The following MALRD1 variants were observed in gnomAD, a reference collection of about 807,000 sequenced individuals.
The protein encoded by MALRD1 is MAM and LDL-receptor class A domain-containing protein 1.
MALRD1 carries 247 observed loss-of-function variants against 242.1 expected under a neutral mutation model. The ratio of observed to expected loss-of-function variants is 1.02; its 90% confidence interval spans 0.92 to 1.13. The LOEUF is 1.13. Ranked by LOEUF, MALRD1 falls within the 50% of genes most tolerant of loss-of-function variation. MALRD1 has a pLI of 0.00. For missense variants in MALRD1, 2,989 were observed against 2,533.1 expected (o/e 1.18, Z -3.86); for synonymous variants, 995 against 866.6 (o/e 1.15, Z -2.60).
chr10:19,311,322 C>T (rs1290775869), intron 21 of MALRD1, among the ~76,000 whole-genome samples: 1 of 151,292 alleles, frequency 6.6e-6, no homozygotes, highest in Non-Finnish European at 1.5e-5. Flanking sequence ...AGAAAAATGT[C>T]TTGAGCTAGA....
intron 24 of MALRD1, among the ~76,000 whole-genome samples, chr10:19,338,907 T>C (rs1208435140): frequency 6.9e-6 from 1 of 144,178 alleles, no homozygotes; most frequent in East Asian, 1.9e-4. Context: ...ATATATTATA[T>C]ATATAAAACT....
At chr10:19,241,011 G>T (rs551779648) in intron 18 of MALRD1, among the ~76,000 whole-genome samples, 1 of 152,110 alleles carries the variant, frequency 6.6e-6, no homozygotes, top group Admixed American at 6.6e-5. Flanking sequence ...CAGGAATATT[G>T]GCCTGTTATT....
rs115812920 is a variant in MALRD1 at position 19,068,081 on chromosome 10, C to T, written c.340+1222C>T. ...ATATTGAATCTTGCTCCCAACCTAACGGCCATTGCAGTCTTACAGATTGCT... is the reference window on the plus strand; with the variant it reads ...ATATTGAATCTTGCTCCCAACCTAATGGCCATTGCAGTCTTACAGATTGCT... On this transcript the variant is annotated intron_variant, in intron 2 of 39. Transcript: ENST00000454679. 6.0e-3 allele frequency among the ~76,000 whole-genome samples: 916 copies of T among 152,182 alleles called. 15 individuals carry two copies. Among genetic ancestry groups the T allele is most frequent in the African/African-American group, 0.02 (822 of 41,556 alleles).
chr10:19,485,980 TAAATA>T (rs1211733326), intron 29 of MALRD1, among the ~76,000 whole-genome samples: 2 of 152,078 alleles, frequency 1.3e-5, no homozygotes, highest in Non-Finnish European at 2.9e-5. Flanking sequence ...TATGATATGA[TAAATA>T]TAAAGGTAGA....
intron 38 of MALRD1, among the ~76,000 whole-genome samples, chr10:19,694,738 A>T (rs569064319): frequency 6.6e-6 from 1 of 152,196 alleles, no homozygotes; most frequent in Non-Finnish European, 1.5e-5. Context: ...ACCCAAAGGG[A>T]TATAAATCAT....
In MALRD1 at chr10:19,730,777, C is replaced by A; in HGVS notation, c.6386C>A (p.Thr2129Lys). The change falls in exon 39 of 40, where the codon ACA (threonine) becomes AAA (lysine). Residue 2129 changes from threonine to lysine, a missense_variant. Transcript: ENST00000454679. ...GGGAACTGGAGCAACCCAGAGAAAACAGAGGTAAGTGGCAAGGGTGAACTA... is the reference window on the plus strand; with the variant it reads ...GGGAACTGGAGCAACCCAGAGAAAAAAGAGGTAAGTGGCAAGGGTGAACTA... ...VYGNWSNPEK[T>K]ESSVYSFSNP... The A allele has an allele frequency of 6.5e-7, 1 of 1,536,556 alleles. No homozygotes were observed. The highest frequency in any genetic ancestry group is 8.7e-7 in the Non-Finnish European group (1 of 1,146,950).
rs779668959 is a variant in MALRD1 at position 19,162,033 on chromosome 10, C to CAAG, written c.1657-3602_1657-3601insGAA. The stretch of plus-strand genomic sequence containing the variant: ...ACAGAGTGAAACTCTGTCTCAAGAA[C>CAAG]AACAACAACAGCAACAACAACAACA... On this transcript the variant is annotated intron_variant, in intron 12 of 39. Coordinates refer to ENST00000454679, the MANE Select transcript of MALRD1 (RefSeq NM_001142308.3). Among the ~76,000 whole-genome samples the CAAG allele has an allele frequency of 4.1e-5, 6 of 145,776 alleles. No individual in the cohort carries two copies. In the Admixed American group the frequency reaches 4.2e-4, roughly 10 times the overall value.
chr10:19,291,264 T>G (rs1841409542), intron 21 of MALRD1, among the ~76,000 whole-genome samples: 1 of 152,226 alleles, frequency 6.6e-6, no homozygotes, highest in Admixed American at 6.5e-5. Flanking sequence ...GTCATTGGTT[T>G]CTAACTCTGC....
chr10:19,509,615 A>C (rs186771762), intron 31 of MALRD1, among the ~76,000 whole-genome samples: 1 of 152,194 alleles, frequency 6.6e-6, no homozygotes, highest in Admixed American at 6.5e-5. Flanking sequence ...TCAGTATGGA[A>C]CTCACAAGGT....
intron 8 of MALRD1, among the ~76,000 whole-genome samples, chr10:19,129,895 G>A (rs996399284): frequency 1.3e-5 from 2 of 149,602 alleles, no homozygotes; most frequent in Non-Finnish European, 3.0e-5. Context: ...AGATAAATAT[G>A]GATGTCATAT....
At chr10:19,368,942 C>A (rs1167807185) in intron 26 of MALRD1, among the ~76,000 whole-genome samples, 1 of 144,762 alleles carries the variant, frequency 6.9e-6, no homozygotes, top group Non-Finnish European at 1.5e-5. Flanking sequence ...AAATATATTT[C>A]TTTAAATAAT....
chr10:19,642,458 C>A (rs1170128751), intron 36 of MALRD1, among the ~76,000 whole-genome samples: 4 of 152,156 alleles, frequency 2.6e-5, no homozygotes, highest in Non-Finnish European at 4.4e-5. Context: ...GACCCTCTTA[C>A]ATTGCTACCT....
At chr10:19,218,363 C>T (rs16918360) in intron 18 of MALRD1, among the ~76,000 whole-genome samples, 19,502 of 152,070 alleles carry the variant, frequency 0.13, 1,343 homozygotes, top group Middle Eastern at 0.19. Flanking sequence ...TTCTTATGAA[C>T]AGGCTACTCT....
At chr10:19,260,193 A>C (rs528730998) in intron 19 of MALRD1, among the ~76,000 whole-genome samples, 1 of 152,336 alleles carries the variant, frequency 6.6e-6, no homozygotes, top group East Asian at 1.9e-4. Flanking sequence ...TTGAAAGCCA[A>C]GTCTCAGTAG....
intron 12 of MALRD1, among the ~76,000 whole-genome samples, chr10:19,159,765 C>T (rs1027426818): frequency 3.9e-5 from 6 of 152,206 alleles, no homozygotes; most frequent in African/African-American, 1.2e-4. Context: ...TGTACAGACA[C>T]GAGAGCCAAT....
chr10:19,611,233 C>T lies in MALRD1; in HGVS notation c.6070+3331C>T, dbSNP rs116188402. Among the ~76,000 whole-genome samples the T allele has an allele frequency of 2.8e-3, 425 of 151,952 alleles. 2 individuals carry two copies. Among genetic ancestry groups the T allele is most frequent in the African/African-American group, 9.7e-3 (403 of 41,508 alleles). Reference sequence around the variant, plus strand: ...GTACCTAGCTCAAAGTCCCATAAGTCTTAAATGACTGAGCCAGGTATCATC... The same window carrying T: ...GTACCTAGCTCAAAGTCCCATAAGTTTTAAATGACTGAGCCAGGTATCATC... On this transcript the variant is annotated intron_variant, in intron 35 of 39. Transcript: ENST00000454679.
At chr10:19,241,813 C>G (rs1838793254) in intron 18 of MALRD1, among the ~76,000 whole-genome samples, 1 of 151,938 alleles carries the variant, frequency 6.6e-6, no homozygotes, top group Non-Finnish European at 1.5e-5. Flanking sequence ...TAATGAGACC[C>G]ATTGATTTCT....
chr10:19,183,626 A>G (rs1835617587), intron 14 of MALRD1, among the ~76,000 whole-genome samples: 1 of 152,194 alleles, frequency 6.6e-6, no homozygotes, highest in South Asian at 2.1e-4. Flanking sequence ...GCCTACTTCA[A>G]ACGGGTTATT....
intron 28 of MALRD1, among the ~76,000 whole-genome samples, chr10:19,417,261 T>A (rs1332445139): frequency 6.6e-6 from 1 of 152,182 alleles, no homozygotes; most frequent in African/African-American, 2.4e-5. Flanking sequence ...TTTCTTTAAC[T>A]CCTATCAAAC....
Sources: allele counts gnomAD v4.1 joint callset (sites outside exome capture counted in the v4.1 genomes callset), GRCh38; gene constraint gnomAD v4.1.1; transcripts MANE v1.5; gene names NCBI Gene and HGNC (gene_info 2026-07-23, HGNC 2026-07-21).